The following CREB5 variants were observed in gnomAD, a reference collection of about 807,000 sequenced individuals.
CREB5 encodes the protein cyclic AMP-responsive element-binding protein 5.
CREB5 carries 19 observed loss-of-function variants against 57.1 expected under a neutral mutation model. The ratio of observed to expected loss-of-function variants is 0.33; its 90% CI spans 0.23 to 0.49. The LOEUF is 0.49. CREB5 is among the 20% of genes least tolerant of loss of function. The pLI is 0.99. For missense variants in CREB5, 579 were observed against 671.6 expected, an observed-to-expected ratio of 0.86 and a Z score of 1.52; for synonymous variants, 238 against 238.3, an observed-to-expected ratio of 1.00 and a Z score of 0.01.
chr7:28,773,750 T>C (rs2128778295), intron 7 of CREB5, among the ~76,000 whole-genome samples: 1 of 152,340 alleles, frequency 6.6e-6, no homozygotes, highest in African/African-American at 2.4e-5. Flanking sequence ...GAGTTCACAG[T>C]ATTTCAGACC....
At chr7:28,329,589 C>T (rs753522641) in intron 1 of CREB5, among the ~76,000 whole-genome samples, 1 of 152,196 alleles carries the variant, frequency 6.6e-6, no homozygotes, top group Non-Finnish European at 1.5e-5. Flanking sequence ...TTTAAAAAAT[C>T]GAATTGCTGG....
At chr7:28,524,064 G>A (rs913210694) in intron 4 of CREB5, among the ~76,000 whole-genome samples, 1 of 152,194 alleles carries the variant, frequency 6.6e-6, no homozygotes, top group Non-Finnish European at 1.5e-5. Context: ...AATAGTGAAT[G>A]AATGTCCTCA....
intron 5 of CREB5, among the ~76,000 whole-genome samples, chr7:28,637,783 C>T (rs1347187319): frequency 6.6e-6 from 1 of 152,174 alleles, no homozygotes; most frequent in Non-Finnish European, 1.5e-5. Flanking sequence ...CAATTAAGAA[C>T]TTATGTTTAA....
In CREB5 at chr7:28,463,891, T is replaced by C. The variant is rs537536181; in HGVS notation, c.4-24284T>C. On this transcript the variant is annotated intron_variant, in intron 1 of 10. Transcript: ENST00000357727. The stretch of plus-strand genomic sequence containing the variant: ...GAATAGAGATAGTTTTAATGGGTCC[T>C]TTCCAATCTGGATACCTTTTATTTC... Among the ~76,000 whole-genome samples, 160 of 152,318 alleles carry C rather than the reference T, an allele frequency of 1.1e-3. 5 individuals carry two copies. The South Asian group carries it at 0.033, about 31-fold the overall frequency.
chr7:28,442,409 G>A (rs1477885111), intron 1 of CREB5, among the ~76,000 whole-genome samples: 1 of 152,172 alleles, frequency 6.6e-6, no homozygotes, highest in Non-Finnish European at 1.5e-5. Flanking sequence ...ACATGGGGGT[G>A]CAGGTGTCCC....
chr7:28,612,165 G>C (rs1266265860), intron 5 of CREB5, among the ~76,000 whole-genome samples: 1 of 152,058 alleles, frequency 6.6e-6, no homozygotes, highest in Non-Finnish European at 1.5e-5. Context: ...ACACAGGTAG[G>C]GAAATACCTA....
At chr7:28,315,388 G>A (rs371935223) in intron 1 of CREB5, among the ~76,000 whole-genome samples, 15 of 152,196 alleles carry the variant, frequency 9.9e-5, no homozygotes, top group Non-Finnish European at 1.3e-4. Context: ...GCAGTTGTCC[G>A]AAGCTGAGGT....
At chr7:28,796,428 A>G (rs1280000481) in intron 7 of CREB5, among the ~76,000 whole-genome samples, 1 of 152,132 alleles carries the variant, frequency 6.6e-6, no homozygotes, top group Non-Finnish European at 1.5e-5. Context: ...AGCTGATATT[A>G]ACTTCACCCC....
chr7:28,491,104 A>G, intron 2 of CREB5: 2 of 560,930 alleles, frequency 3.6e-6, no homozygotes, highest in Non-Finnish European at 4.5e-6. Context: ...GTGGTGAGGA[A>G]GCGGAGGTGG....
rs1327652179 is a variant in CREB5, at chr7:28,608,135, A to T, written c.464+37598A>T. On this transcript the variant is annotated intron_variant, in intron 5 of 10. Transcript: ENST00000357727. ...CTCTCACACACACTCACACACACACACACACACACACACACACACACTCTC... is the reference window on the plus strand; with the variant it reads ...CTCTCACACACACTCACACACACACTCACACACACACACACACACACTCTC... 7.2e-3 allele frequency among the ~76,000 whole-genome samples: 1,083 copies of T among 150,372 alleles called. 11 individuals carry two copies. Among genetic ancestry groups the T allele is most frequent in the African/African-American group, 0.025 (1,019 of 40,714 alleles).
intron 1 of CREB5, among the ~76,000 whole-genome samples, chr7:28,336,526 G>A (rs1413941123): frequency 6.6e-6 from 1 of 151,594 alleles, no homozygotes; most frequent in East Asian, 1.9e-4. Context: ...CAATTTTTCT[G>A]GTATCAGTTG....
intron 1 of CREB5, among the ~76,000 whole-genome samples, chr7:28,352,543 ATTCT>A (rs1383216086): frequency 6.6e-6 from 1 of 152,178 alleles, no homozygotes; most frequent in Non-Finnish European, 1.5e-5. Context: ...TAAGGACCTG[ATTCT>A]TTCTTTTTGC....
At chr7:28,510,124 A>T (rs62449888) in intron 4 of CREB5, among the ~76,000 whole-genome samples, 19,261 of 152,098 alleles carry the variant, frequency 0.13, 1,599 homozygotes, top group South Asian at 0.23. Flanking sequence ...AGTAGGAATA[A>T]TGCTCCCCCG....
intron 1 of CREB5, chr7:28,435,797 A>C: frequency 2.6e-6 from 1 of 389,086 alleles, no homozygotes; most frequent in Non-Finnish European, 3.5e-6. Flanking sequence ...CATTTCTGCC[A>C]TTGCTCACTT....
chr7:28,356,251 G>A (rs535151005), intron 1 of CREB5, among the ~76,000 whole-genome samples: 10 of 152,354 alleles, frequency 6.6e-5, no homozygotes, highest in African/African-American at 2.4e-4. Context: ...GGCTCTTGGA[G>A]TTTACCCAGA....
At chr7:28,342,645 A>G (rs963455986) in intron 1 of CREB5, among the ~76,000 whole-genome samples, 2 of 152,222 alleles carry the variant, frequency 1.3e-5, no homozygotes, top group Non-Finnish European at 2.9e-5. Context: ...TGTTTCTAGA[A>G]TATCACTCCA....
Position 28,383,199 on chromosome 7 carries a change from T to C in CREB5, c.-25+83758T>C, listed in dbSNP as rs740989. Among the ~76,000 whole-genome samples, 721 of 152,216 alleles carry C rather than the reference T, an allele frequency of 4.7e-3. 6 individuals carry two copies. Among genetic ancestry groups the C allele is most frequent in the African/African-American group, 0.017 (690 of 41,524 alleles). ...ATTCGTGTTAGGCATAATGTGTACA[T>C]GTTAATGGTGAGAAAGATGGGATGC... On this transcript the variant is annotated intron_variant, in intron 1 of 9. Coordinates refer to the CREB5 transcript ENST00000396299.
At chr7:28,367,173 T>C (rs1645003381) in intron 1 of CREB5, among the ~76,000 whole-genome samples, 1 of 135,638 alleles carries the variant, frequency 7.4e-6, no homozygotes, top group South Asian at 2.4e-4. Context: ...GTATCATTCC[T>C]GGGTCCCCAT....
chr7:28,639,210 CTGTT>C (rs1562542337), intron 5 of CREB5, among the ~76,000 whole-genome samples: 1 of 152,186 alleles, frequency 6.6e-6, no homozygotes, highest in Non-Finnish European at 1.5e-5. Flanking sequence ...AATCTTATCT[CTGTT>C]TGGCCTTCAG....
Sources: allele counts gnomAD v4.1 joint callset (sites outside exome capture counted in the v4.1 genomes callset), GRCh38; gene constraint gnomAD v4.1.1; transcripts MANE v1.5; gene names NCBI Gene and HGNC (gene_info 2026-07-23, HGNC 2026-07-21).